MGAT4C: variants seen among roughly 807,000 people sequenced by gnomAD.
MGAT4C encodes the protein alpha-1,3-mannosyl-glycoprotein 4-beta-N-acetylglucosaminyltransferase C.
A neutral mutation model predicts 40.1 loss-of-function variants in MGAT4C; 19 were observed. The ratio of observed to expected loss-of-function variants is 0.47; its 90% CI spans 0.33 to 0.70. MGAT4C has a LOEUF of 0.70. Among genes scored for constraint, MGAT4C ranks in the 30% least tolerant of loss-of-function variants. The pLI, the probability that MGAT4C is intolerant of heterozygous loss-of-function variation, is 0.02. For missense variants in MGAT4C, 491 were observed against 563.2 expected, an observed-to-expected ratio of 0.87 and a Z score of 1.30; for synonymous variants, 181 against 187.1, an observed-to-expected ratio of 0.97 and a Z score of 0.27.
intron 2 of MGAT4C, among the ~76,000 whole-genome samples, chr12:86,543,862 G>A (rs1959180171): frequency 6.6e-6 from 1 of 152,082 alleles, no homozygotes; most frequent in African/African-American, 2.4e-5. Context: ...GTCAGGTGGT[G>A]GCTTTACTGG....
At chr12:86,228,602 T>C (rs762791360) in intron 1 of MGAT4C, among the ~76,000 whole-genome samples, 4 of 151,734 alleles carry the variant, frequency 2.6e-5, no homozygotes, top group Non-Finnish European at 4.4e-5. Context: ...TCTAATAGAA[T>C]GAACACTGTA....
chr12:86,165,102 T>G (rs1393155563), intron 1 of MGAT4C, among the ~76,000 whole-genome samples: 1 of 152,092 alleles, frequency 6.6e-6, no homozygotes, highest in Non-Finnish European at 1.5e-5. Context: ...ATGTTTAGAA[T>G]AAACCTTAGT....
At chr12:86,767,986 T>C (rs1593188207) in intron 1 of MGAT4C, among the ~76,000 whole-genome samples, 1 of 152,286 alleles carries the variant, frequency 6.6e-6, no homozygotes, top group East Asian at 1.9e-4. Flanking sequence ...TCACCACTCC[T>C]ATTCAACATA....
At chr12:86,789,491 T>C (rs967638255) in intron 1 of MGAT4C, among the ~76,000 whole-genome samples, 1 of 152,116 alleles carries the variant, frequency 6.6e-6, no homozygotes, top group African/African-American at 2.4e-5. Flanking sequence ...TTGAATCCCC[T>C]TTCTTTCATG....
chr12:86,600,812 G>A (rs1961742567), intron 2 of MGAT4C, among the ~76,000 whole-genome samples: 1 of 152,194 alleles, frequency 6.6e-6, no homozygotes, highest in South Asian at 2.1e-4. Flanking sequence ...CCCAGCCATG[G>A]CTTTGGACTC....
intron 2 of MGAT4C, among the ~76,000 whole-genome samples, chr12:86,622,643 G>A (rs1962676075): frequency 6.6e-6 from 1 of 152,036 alleles, no homozygotes; most frequent in African/African-American, 2.4e-5. Flanking sequence ...TAATAAAAGT[G>A]TTTAAAATAA....
At chr12:86,030,609 A>C (rs963156700) in intron 2 of MGAT4C, among the ~76,000 whole-genome samples, 1 of 151,778 alleles carries the variant, frequency 6.6e-6, no homozygotes, top group Non-Finnish European at 1.5e-5. Context: ...CAAGACTGAA[A>C]TTTGATTAGT....
rs951932801 is a variant in MGAT4C, at chr12:85,958,181, C to T, written c.*21108G>A. On this transcript the variant is annotated 3_prime_UTR_variant, in exon 5 of 5. Transcript: ENST00000611864. ...CCGACTCCCAGATTCAAGTGATTAT[C>T]CTGCCTCGGCCGCCTGAGTAGCTAG... is the stretch of plus-strand genomic sequence containing the variant. The T allele has an allele frequency of 6.6e-6, 1 of 152,094 alleles. No homozygotes were observed. The highest frequency in any genetic ancestry group is 2.4e-5 in the African/African-American group (1 of 41,378). The allele number at this position is 152,094 out of a possible 1,614,324, so 9.4% of individuals were successfully genotyped here.
At chr12:86,123,998 C>T (rs1344106518) in intron 1 of MGAT4C, among the ~76,000 whole-genome samples, 2 of 151,962 alleles carry the variant, frequency 1.3e-5, no homozygotes, top group Non-Finnish European at 2.9e-5. Flanking sequence ...AATGATTCTA[C>T]GACTCCACCG....
chr12:86,565,125 C>A (rs1295618154), intron 2 of MGAT4C, among the ~76,000 whole-genome samples: 1 of 152,130 alleles, frequency 6.6e-6, no homozygotes, highest in African/African-American at 2.4e-5. Context: ...CACCATGTGA[C>A]CTGAACTGCC....
chr12:86,016,816 C>T (rs550574709), intron 2 of MGAT4C, among the ~76,000 whole-genome samples: 1 of 152,096 alleles, frequency 6.6e-6, no homozygotes, highest in South Asian at 2.1e-4. Flanking sequence ...CTTAGATGTG[C>T]TACATTTCTG....
At chr12:86,189,691 C>A (rs150459462) in intron 1 of MGAT4C, among the ~76,000 whole-genome samples, 3 of 152,074 alleles carry the variant, frequency 2.0e-5, no homozygotes, top group East Asian at 3.9e-4. Flanking sequence ...AACTTATAAA[C>A]CCCACATTTT....
intron 3 of MGAT4C, among the ~76,000 whole-genome samples, chr12:86,359,104 G>C (rs1361953523): frequency 6.6e-6 from 1 of 152,146 alleles, no homozygotes; most frequent in Non-Finnish European, 1.5e-5. Flanking sequence ...AAATGTAAAA[G>C]AACAGAAATC....
intron 2 of MGAT4C, among the ~76,000 whole-genome samples, chr12:86,439,611 A>AAAC (rs751651733): frequency 6.6e-6 from 1 of 152,000 alleles, no homozygotes; most frequent in Non-Finnish European, 1.5e-5. Flanking sequence ...AGCAGAAGAT[A>AAAC]AACAACAACA....
intron 2 of MGAT4C, among the ~76,000 whole-genome samples, chr12:86,614,578 A>G (rs914958251): frequency 1.4e-4 from 22 of 152,072 alleles, no homozygotes; most frequent in Non-Finnish European, 2.2e-4. Context: ...AGAAAACTGT[A>G]TAAATTTAAA....
At chr12:86,779,011 TAA>T (rs34368650) in intron 1 of MGAT4C, among the ~76,000 whole-genome samples, 9 of 142,466 alleles carry the variant, frequency 6.3e-5, no homozygotes, top group Admixed American at 2.8e-4. Flanking sequence ...ACAATTTCAC[TAA>T]AAAAAAAAAA....
chr12:86,375,918 T>G (rs930126970), intron 3 of MGAT4C, among the ~76,000 whole-genome samples: 3 of 152,062 alleles, frequency 2.0e-5, no homozygotes, highest in African/African-American at 7.2e-5. Flanking sequence ...GAGATAAATA[T>G]AGATTAATGG....
At position 85,960,885 on chromosome 12, in the gene MGAT4C, T is replaced by C. The variant is rs1052722002; in HGVS notation, c.*18404A>G. On this transcript the variant is annotated 3_prime_UTR_variant, in exon 5 of 5. Transcript: ENST00000611864. ...AGCCTGTAAATATTTATTTATATGA[T>C]GTTTGGCACTTTATTTTATAAAACT... The C allele has an allele frequency of 2.0e-5, 3 of 152,012 alleles. No individual in the cohort carries two copies. The highest frequency in any genetic ancestry group is 4.4e-5 in the Non-Finnish European group (3 of 67,878). 9.4% of individuals were successfully genotyped at this position (152,012 alleles called of 1,614,324 possible). A position where few individuals can be genotyped will look rare whatever the true frequency, so the allele number is the denominator to read the frequency against.
chr12:86,538,142 C>T (rs1300318989), intron 2 of MGAT4C, among the ~76,000 whole-genome samples: 1 of 151,790 alleles, frequency 6.6e-6, no homozygotes, highest in Non-Finnish European at 1.5e-5. Flanking sequence ...ATTTGAAAGC[C>T]TAATTTTTAA....
Sources: gnomAD v4.1 joint callset for allele counts (sites outside exome capture counted in the v4.1 genomes callset) on GRCh38, gnomAD v4.1.1 for gene constraint, MANE v1.5 for transcripts, NCBI Gene and HGNC (gene_info 2026-07-23, HGNC 2026-07-21) for gene names.